The following PDZRN4 variants were observed in gnomAD, a reference collection of about 807,000 sequenced individuals.
The protein encoded by PDZRN4 is PDZ domain-containing RING finger protein 4.
A neutral mutation model predicts 99.0 loss-of-function variants in PDZRN4; 70 were observed. That is an observed-to-expected ratio of 0.71 (90% CI 0.58 to 0.86). The LOEUF (loss-of-function observed/expected upper bound fraction) is 0.86, where lower values mean the gene tolerates loss of function less well. PDZRN4 is among the 40% of genes least tolerant of loss of function. The pLI, the probability that PDZRN4 is intolerant of heterozygous loss-of-function variation, is 0.00. For synonymous variants in PDZRN4, 551 were observed against 501.6 expected, an observed-to-expected ratio of 1.10 and a Z score of -1.32; for missense variants, 1,474 against 1,331.2, an observed-to-expected ratio of 1.11 and a Z score of -1.67.
intron 3 of PDZRN4, among the ~76,000 whole-genome samples, chr12:41,236,536 G>A (rs1951068091): frequency 1.3e-5 from 2 of 152,040 alleles, no homozygotes; most frequent in Non-Finnish European, 2.9e-5. Flanking sequence ...AAACAAATTA[G>A]AGATGAAGGA....
intron 3 of PDZRN4, among the ~76,000 whole-genome samples, chr12:41,372,095 T>C (rs1402005233): frequency 6.6e-6 from 1 of 152,058 alleles, no homozygotes; most frequent in African/African-American, 2.4e-5. Flanking sequence ...TGCATAATTT[T>C]TCCCCTAAAG....
At chr12:41,385,673 T>C (rs1262963122) in intron 3 of PDZRN4, among the ~76,000 whole-genome samples, 1 of 152,094 alleles carries the variant, frequency 6.6e-6, no homozygotes, top group African/African-American at 2.4e-5. Flanking sequence ...ATTTAGTTAG[T>C]AATAAGTAGC....
At position 41,459,852 on chromosome 12, in the gene PDZRN4, A is replaced by G. The variant is rs545649335; in HGVS notation, c.844-46604A>G. On this transcript the variant is annotated intron_variant, in intron 3 of 9. Coordinates refer to ENST00000402685, the MANE Select transcript of PDZRN4 (RefSeq NM_001164595.2). ...ACATTCAGGGGTATTGGGAAAAAAT[A>G]CCCATTAAATTAACATTAGTTTAAA... is the stretch of plus-strand genomic sequence containing the variant. 8 of 926,580 alleles carry G rather than the reference A, an allele frequency of 8.6e-6. No homozygotes were observed. The Admixed American group carries it at 1.6e-4, about 19-fold the overall frequency. 57.4% of individuals were successfully genotyped at this position (926,580 alleles called of 1,614,324 possible).
chr12:41,305,706 C>A (rs1004584835), intron 3 of PDZRN4, among the ~76,000 whole-genome samples: 9 of 152,310 alleles, frequency 5.9e-5, no homozygotes, highest in Admixed American at 4.6e-4. Context: ...AGGTCTTCAG[C>A]ATACACATTT....
chr12:41,514,651 T>C (rs191120942), intron 5 of PDZRN4, among the ~76,000 whole-genome samples: 5 of 152,188 alleles, frequency 3.3e-5, no homozygotes, highest in Admixed American at 2.6e-4. Flanking sequence ...CATGAAGGAA[T>C]AAATGAGGGT....
At chr12:41,416,817 G>A (rs540851987) in intron 3 of PDZRN4, among the ~76,000 whole-genome samples, 1 of 152,286 alleles carries the variant, frequency 6.6e-6, no homozygotes, top group East Asian at 1.9e-4. Context: ...TCTGAAGTAT[G>A]TGTAGGATTT....
In PDZRN4 at chr12:41,572,365, CA is replaced by C; in HGVS notation, c.1592del (p.Lys531SerfsTer25). 6.3e-7 allele frequency: 1 copy of C among 1,589,954 alleles called. No individual in the cohort carries two copies. Among genetic ancestry groups the C allele is most frequent in the Non-Finnish European group, 8.6e-7 (1 of 1,166,090 alleles). On this transcript the variant is annotated frameshift_variant and splice_region_variant, in exon 10 of 10. Transcript: ENST00000402685. LOFTEE classifies it low-confidence loss of function (END_TRUNC). ...MQPTANEVEQ[P>X]KKQEEEEGTT... is the part of the protein sequence containing the mutation. The stretch of plus-strand genomic sequence containing the variant: ...GTTCTTTCAACATCATTTTCTTAGC[CA>C]AAAAAGCAAGAAGAAGAAGAAGGCA...
chr12:41,555,902 T>C (rs1050678383), intron 7 of PDZRN4, 142 bp downstream of exon 7: 3 of 671,746 alleles, frequency 4.5e-6, no homozygotes, highest in African/African-American at 3.6e-5. Flanking sequence ...AAAAAAGTGC[T>C]GTCATTTAAA....
chr12:41,463,662 G>T (rs983239500), intron 3 of PDZRN4, among the ~76,000 whole-genome samples: 3 of 152,032 alleles, frequency 2.0e-5, no homozygotes, highest in Non-Finnish European at 4.4e-5. Context: ...TCTATATTTA[G>T]CATGTAACTC....
intron 3 of PDZRN4, among the ~76,000 whole-genome samples, chr12:41,220,477 A>G (rs866030733): frequency 3.3e-5 from 5 of 152,162 alleles, no homozygotes; most frequent in African/African-American, 1.2e-4. Context: ...AAATTTGGCC[A>G]GGAAAGGGGA....
intron 3 of PDZRN4, among the ~76,000 whole-genome samples, chr12:41,327,325 C>G (rs1951716074): frequency 6.6e-6 from 1 of 152,178 alleles, no homozygotes; most frequent in Non-Finnish European, 1.5e-5. Context: ...ATCCACAGTG[C>G]TAAAGCACAA....
In PDZRN4 at chr12:41,572,936, A is replaced by G. The variant is rs1355724697; in HGVS notation, c.2157A>G (p.Gly719=). 5 of 1,614,172 alleles carry G rather than the reference A, an allele frequency of 3.1e-6. No homozygotes were observed. The highest frequency in any genetic ancestry group is 4.2e-6 in the Non-Finnish European group (5 of 1,180,024). The change falls in exon 10 of 10, where the codon GGA becomes GGG. Residue 719 remains glycine (G), a synonymous_variant. Coordinates refer to ENST00000402685, the MANE Select transcript of PDZRN4 (RefSeq NM_001164595.2). The stretch of plus-strand genomic sequence containing the variant: ...ACACCAGCATAGATATGCAAAGGGG[A>G]AAGCTAGATGACATCATGGAGCATC... ...NYNTSIDMQR[G]KLDDIMEHPE...
At chr12:41,500,949 C>G (rs777443914) in intron 3 of PDZRN4, among the ~76,000 whole-genome samples, 7 of 152,122 alleles carry the variant, frequency 4.6e-5, no homozygotes, top group Non-Finnish European at 1.0e-4. Flanking sequence ...AGAGAATTGA[C>G]TCTGCGTCAC....
At chr12:41,347,392 C>T (rs927309825) in intron 3 of PDZRN4, among the ~76,000 whole-genome samples, 3 of 152,026 alleles carry the variant, frequency 2.0e-5, no homozygotes, top group African/African-American at 7.2e-5. Context: ...TTGCTAATGA[C>T]TAATGACACT....
intron 5 of PDZRN4, among the ~76,000 whole-genome samples, chr12:41,519,349 A>G (rs1182986231): frequency 6.6e-6 from 1 of 152,016 alleles, no homozygotes; most frequent in Non-Finnish European, 1.5e-5. Flanking sequence ...AATCCTTAAA[A>G]CAAACTTGCT....
chr12:41,558,968 C>T (rs2120821338), intron 7 of PDZRN4, among the ~76,000 whole-genome samples: 1 of 152,156 alleles, frequency 6.6e-6, no homozygotes, highest in Admixed American at 6.6e-5. Context: ...GTGAGAAAAA[C>T]AGAGGATTTA....
intron 3 of PDZRN4, chr12:41,437,714 ACT>A (rs1034742057): frequency 1.7e-5 from 24 of 1,424,090 alleles, no homozygotes; most frequent in Middle Eastern, 2.6e-4. Context: ...CTGACTGGAA[ACT>A]CTGTGTGTGT....
chr12:41,233,835 TA>T (rs1216217327), intron 3 of PDZRN4, among the ~76,000 whole-genome samples: 1 of 151,932 alleles, frequency 6.6e-6, no homozygotes, highest in Non-Finnish European at 1.5e-5. Context: ...ACATACCTAA[TA>T]CTAAATGATG....
At chr12:41,393,015 TAAGCATG>T (rs1952220556) in intron 3 of PDZRN4, among the ~76,000 whole-genome samples, 1 of 152,198 alleles carries the variant, frequency 6.6e-6, no homozygotes, top group East Asian at 1.9e-4. Flanking sequence ...CATTATGGGT[TAAGCATG>T]ATAACACTGT....
Sources: gnomAD v4.1 joint callset for allele counts (sites outside exome capture counted in the v4.1 genomes callset) on GRCh38, gnomAD v4.1.1 for gene constraint, MANE v1.5 for transcripts, NCBI Gene and HGNC (gene_info 2026-07-23, HGNC 2026-07-21) for gene names.